CASP8: variants seen among roughly 807,000 people sequenced by gnomAD.
CASP8 encodes the protein caspase-8.
CASP8 carries 24 observed loss-of-function variants against 46.3 expected under a neutral mutation model. That is an observed-to-expected ratio of 0.52 (90% confidence interval 0.38 to 0.73). CASP8 has a LOEUF of 0.73. Among genes scored for constraint, CASP8 ranks in the 30% least tolerant of loss-of-function variants. The pLI is 0.00. For synonymous variants in CASP8, 188 were observed against 200.4 expected (o/e 0.94, Z 0.52); for missense variants, 460 against 559.0 (o/e 0.82, Z 1.79).
chr2:201,271,029 C>CT (rs1407536203), intron 2 of CASP8, among the ~76,000 whole-genome samples: 5 of 152,058 alleles, frequency 3.3e-5, no homozygotes, highest in African/African-American at 1.2e-4. Flanking sequence ...GCTTCAGGTC[C>CT]TTTCGTGTTT....
At chr2:201,246,028 C>T (rs372155964) in intron 2 of CASP8, among the ~76,000 whole-genome samples, 7 of 151,974 alleles carry the variant, frequency 4.6e-5, no homozygotes, top group South Asian at 2.1e-4. Context: ...CCACCATGCC[C>T]GGCTAATTTT....
In CASP8 at chr2:201,266,312, G is replaced by A. The variant is rs1299239398; in HGVS notation, c.-26-149G>A. The A allele has an allele frequency of 1.5e-6, 1 of 669,460 alleles. No individual in the cohort carries two copies. Among genetic ancestry groups the A allele is most frequent in the African/African-American group, 1.8e-5 (1 of 55,588 alleles). The allele number at this position is 669,460 out of a possible 1,614,324, so 41.5% of individuals were successfully genotyped here. The stretch of plus-strand genomic sequence containing the variant: ...GTTTGTATGTCTACCTTCCTAAACA[G>A]TAAGAGGGAACTTGTCTGGTGTTCT... On this transcript the variant is annotated intron_variant, in intron 1 of 8. Coordinates refer to ENST00000673742, the MANE Select transcript of CASP8 (RefSeq NM_001372051.1). The surrounding 1 kb of genome is among the most constrained non-coding windows in gnomAD (Gnocchi z 5.7).
chr2:201,274,128 T>A (rs1948473768), intron 5 of CASP8, among the ~76,000 whole-genome samples: 1 of 152,216 alleles, frequency 6.6e-6, no homozygotes, highest in Non-Finnish European at 1.5e-5. Context: ...AAATACATTT[T>A]GGATCACTCA....
In CASP8 at chr2:201,266,933, C is replaced by G. The variant is rs550428270; in HGVS notation, c.305+142C>G. On this transcript the variant is annotated intron_variant, in intron 2 of 8. Coordinates refer to ENST00000673742, the MANE Select transcript of CASP8 (RefSeq NM_001372051.1). This position sits in a 1 kb window ranked among gnomAD's most constrained non-coding sequence, Gnocchi z 5.7. ...ACAATTCTAAGCTTCTACAGAAAGA[C>G]AGTAGTGCCTTGGGTGGTCCTGCTA... 2.4e-5 allele frequency: 15 copies of G among 623,430 alleles called. No individual in the cohort carries two copies. The South Asian group carries it at 3.0e-4, about 13-fold the overall frequency. The allele number at this position is 623,430 out of a possible 1,614,324, so 38.6% of individuals were successfully genotyped here. A position where few individuals can be genotyped will look rare whatever the true frequency, so the allele number is the denominator to read the frequency against.
intron 2 of CASP8, among the ~76,000 whole-genome samples, chr2:201,254,255 GC>G (rs1218119499): frequency 6.6e-6 from 1 of 152,130 alleles, no homozygotes; most frequent in Non-Finnish European, 1.5e-5. Flanking sequence ...TGCAGAGTAT[GC>G]AGATTGAGGT....
chr2:201,273,652 C>A (rs751777108), intron 5 of CASP8, among the ~76,000 whole-genome samples: 3 of 152,002 alleles, frequency 2.0e-5, no homozygotes, highest in Non-Finnish European at 4.4e-5. Flanking sequence ...CAACGATCTC[C>A]TTCAAAATTT....
chr2:201,279,882 G>A (rs1948889159), intron 7 of CASP8, among the ~76,000 whole-genome samples: 1 of 152,130 alleles, frequency 6.6e-6, no homozygotes. Flanking sequence ...GAACCTGGGA[G>A]GTGGAAGTTG....
At chr2:201,269,637 G>A in intron 2 of CASP8, 1 of 1,507,162 alleles carries the variant, frequency 6.6e-7, no homozygotes, top group Non-Finnish European at 9.2e-7. Flanking sequence ...TTAATGTATT[G>A]GCTTAGAGAT....
Position 201,272,875 on chromosome 2 carries a change from T to A in CASP8, c.551-23T>A, listed in dbSNP as rs1948366817. The A allele has an allele frequency of 2.5e-6, 4 of 1,614,032 alleles. No homozygotes were observed. The highest frequency in any genetic ancestry group is 3.4e-6 in the Non-Finnish European group (4 of 1,179,974). ...CAGTTGTTTCTAATCAAATATTGTT[T>A]GGGGTTTCCCCTTTTAATTCAGAGA... On this transcript the variant is annotated intron_variant, in intron 4 of 8. Coordinates refer to ENST00000673742, the MANE Select transcript of CASP8 (RefSeq NM_001372051.1). This position sits in a 1 kb window ranked among gnomAD's most constrained non-coding sequence, Gnocchi z 4.4.
At chr2:201,265,981 GTTT>G (rs113734571) in intron 1 of CASP8, among the ~76,000 whole-genome samples, 3 of 138,908 alleles carry the variant, frequency 2.2e-5, no homozygotes, top group African/African-American at 2.7e-5. Flanking sequence ...TGTTTTTTGT[GTTT>G]TTTTTTTTTT....
chr2:201,247,486 T>A lies in CASP8; in HGVS notation c.-27+13374T>A, dbSNP rs1203392823. Among the ~76,000 whole-genome samples the A allele has an allele frequency of 2.1e-5, 3 of 141,290 alleles. No individual in the cohort carries two copies. In the East Asian group the frequency reaches 6.0e-4, roughly 28 times the overall value. 92.7% of individuals were successfully genotyped at this position (141,290 alleles called of 152,430 possible). A position where few individuals can be genotyped will look rare whatever the true frequency, so the allele number is the denominator to read the frequency against. ...AGAATCCTCATTAGCACAACCTATT[T>A]TTTTTTTTTTTTTTCCTGAAACAGA... is the stretch of plus-strand genomic sequence containing the variant. On this transcript the variant is annotated intron_variant, in intron 2 of 6. Coordinates refer to the CASP8 transcript ENST00000264274.
chr2:201,240,265 C>G (rs1308424530), intron 2 of CASP8: 4 of 152,086 alleles, frequency 2.6e-5, no homozygotes, highest in Non-Finnish European at 5.9e-5. Flanking sequence ...TCCCCCTACC[C>G]ACAGAGAAAC....
Position 201,275,239 on chromosome 2 carries a change from C to A in CASP8, c.660+286C>A, listed in dbSNP as rs1399488961. On this transcript the variant is annotated intron_variant, in intron 6 of 8. Coordinates refer to ENST00000673742, the MANE Select transcript of CASP8 (RefSeq NM_001372051.1). ...GGGGGTAATAAGCCTCCTACCAAAT[C>A]TTCTAGCAGCCGTGCCAGCCTGGAT... is the stretch of plus-strand genomic sequence containing the variant. 3.9e-5 allele frequency among the ~76,000 whole-genome samples: 6 copies of A among 152,152 alleles called. No homozygotes were observed. In the South Asian group the frequency reaches 6.2e-4, roughly 16 times the overall value.
chr2:201,259,521 A>T (rs1947238818), upstream of CASP8, among the ~76,000 whole-genome samples: 1 of 152,138 alleles, frequency 6.6e-6, no homozygotes, highest in African/African-American at 2.4e-5. Flanking sequence ...CTCTCTGGTG[A>T]AGAGTCCTTT....
At chr2:201,257,068 C>T (rs1336715753), upstream of CASP8, among the ~76,000 whole-genome samples, 1 of 149,032 alleles carries the variant, frequency 6.7e-6, no homozygotes, top group East Asian at 2.0e-4. Context: ...TCGCTTGAAC[C>T]CGGGAGGCGG....
At chr2:201,283,046 T>G (rs1576376181) in intron 7 of CASP8, among the ~76,000 whole-genome samples, 1 of 57,790 alleles carries the variant, frequency 1.7e-5, no homozygotes, top group African/African-American at 5.2e-5. Context: ...GGCAGGGGGC[T>G]GACCCCCCCT....
At chr2:201,243,272 G>A (rs1404412056) in intron 2 of CASP8, among the ~76,000 whole-genome samples, 1 of 152,014 alleles carries the variant, frequency 6.6e-6, no homozygotes, top group Non-Finnish European at 1.5e-5. Context: ...CAATAGAAAA[G>A]GATTCCTATA....
Position 201,284,984 on chromosome 2 carries a change from A to G in CASP8, c.971A>G (p.Tyr324Cys), listed in dbSNP as rs1949486267. The G allele has an allele frequency of 6.2e-7, 1 of 1,613,996 alleles. No individual in the cohort carries two copies. The highest frequency in any genetic ancestry group is 8.5e-7 in the Non-Finnish European group (1 of 1,180,006). Residue 324 changes from tyrosine to cysteine, a missense_variant, in exon 8 of 9, where the codon TAT becomes TGT. Coordinates refer to ENST00000673742, the MANE Select transcript of CASP8 (RefSeq NM_001372051.1). The part of the protein sequence containing the change: ...ILSHGDKGII[Y>C]GTDGQEAPIY... The stretch of plus-strand genomic sequence containing the variant: ...TCCCATGGAGACAAGGGCATCATCT[A>G]TGGCACTGATGGACAGGAGGCCCCC...
At chr2:201,261,666 C>T (rs758162057) in intron 1 of CASP8, among the ~76,000 whole-genome samples, 32 of 152,188 alleles carry the variant, frequency 2.1e-4, no homozygotes, top group African/African-American at 6.7e-4. Context: ...CGGGGCAGCC[C>T]GCAGTCTGAG....
Sources: gnomAD v4.1 joint callset for allele counts (sites outside exome capture counted in the v4.1 genomes callset) on GRCh38, gnomAD v4.1.1 for gene constraint, Gnocchi (gnomAD v3.1) non-coding constraint, MANE v1.5 for transcripts, NCBI Gene and HGNC (gene_info 2026-07-23, HGNC 2026-07-21) for gene names.